The following CCDC138 variants were observed in gnomAD, a reference collection of about 807,000 sequenced individuals.
CCDC138 encodes coiled-coil domain containing 138.
In CCDC138, 66 loss-of-function variants were observed where a neutral mutation model predicts 82.3. That is an observed-to-expected ratio of 0.80 (90% confidence interval 0.66 to 0.98). The LOEUF (loss-of-function observed/expected upper bound fraction) is 0.98. Ranked by LOEUF, CCDC138 falls within the 50% of genes least tolerant of loss-of-function variation. The pLI is 0.00. For synonymous variants in CCDC138, 297 were observed against 265.4 expected (o/e 1.12, Z -1.16); for missense variants, 816 against 758.9 (o/e 1.08, Z -0.88).
At chr2:108,870,835 G>C (rs950871374) in intron 13 of CCDC138, among the ~76,000 whole-genome samples, 1 of 152,212 alleles carries the variant, frequency 6.6e-6, no homozygotes, top group South Asian at 2.1e-4. Flanking sequence ...GAAAATTAAA[G>C]TTATTGTTTA....
intron 12 of CCDC138, among the ~76,000 whole-genome samples, chr2:108,849,797 G>A (rs1211637577): frequency 2.0e-5 from 3 of 152,224 alleles, no homozygotes; most frequent in African/African-American, 2.4e-5. Context: ...AACCTGTGGG[G>A]TTCCAGTGTT....
intron 12 of CCDC138, among the ~76,000 whole-genome samples, chr2:108,855,061 C>T (rs1692356280): frequency 6.6e-6 from 1 of 151,942 alleles, no homozygotes; most frequent in African/African-American, 2.4e-5. Context: ...AATAATATAG[C>T]ATTTATAAAA....
chr2:108,849,325 G>C (rs1691026359), intron 12 of CCDC138, among the ~76,000 whole-genome samples: 1 of 152,134 alleles, frequency 6.6e-6, no homozygotes, highest in Non-Finnish European at 1.5e-5. Flanking sequence ...TTTGAAATAT[G>C]GTGAAAACTA....
chr2:108,868,411 T>G (rs1255701227), intron 13 of CCDC138, among the ~76,000 whole-genome samples: 1 of 152,214 alleles, frequency 6.6e-6, no homozygotes, highest in African/African-American at 2.4e-5. Context: ...ATGTAAAATA[T>G]TGTGACTCAA....
chr2:108,787,957 A>G, intron 1 of CCDC138, 75 bp from the exon 2 acceptor site: 1 of 1,224,868 alleles, frequency 8.2e-7, no homozygotes. Context: ...ATTAATACAT[A>G]ATTTGTGGGG....
intron 2 of CCDC138, 146 bp from the exon 3 acceptor site, chr2:108,788,706 C>A (rs1446586282): frequency 1.8e-6 from 2 of 1,105,474 alleles, no homozygotes; most frequent in African/African-American, 3.2e-5. Flanking sequence ...GGTGACAGAG[C>A]GAGACTCCGT....
intron 10 of CCDC138, 34 bp downstream of exon 10, chr2:108,816,139 A>G: frequency 6.7e-7 from 1 of 1,491,622 alleles, no homozygotes; most frequent in Non-Finnish European, 9.2e-7. Context: ...GTGATTCAGA[A>G]TATATGAAGA....
rs185602624 is a variant in CCDC138, at chr2:108,804,373, T to C, written c.736-516T>C. Among the ~76,000 whole-genome samples, 9 of 152,322 alleles carry C rather than the reference T, an allele frequency of 5.9e-5. No homozygotes were observed. The East Asian group carries it at 1.5e-3, about 26-fold the overall frequency. ...AATAGTTTGGGGCTAAGAAATTTTA[T>C]TATGTATCTAACATATTTTGAGATG... On this transcript the variant is annotated intron_variant, in intron 6 of 14. Coordinates refer to ENST00000295124, the MANE Select transcript of CCDC138 (RefSeq NM_144978.3).
chr2:108,808,614 T>G (rs1683250364), intron 7 of CCDC138, among the ~76,000 whole-genome samples: 1 of 152,236 alleles, frequency 6.6e-6, no homozygotes, highest in Admixed American at 6.5e-5. Flanking sequence ...TGATTAGTGA[T>G]ATTGAGCATT....
intron 6 of CCDC138, among the ~76,000 whole-genome samples, chr2:108,800,608 C>CTTTTTT (rs67529329): frequency 3.3e-4 from 11 of 33,492 alleles, no homozygotes; most frequent in East Asian, 1.2e-3. Flanking sequence ...CTCAGTTTAG[C>CTTTTTT]TTTTTTTTTT....
rs150414904 is a variant in CCDC138 at position 108,856,839 on chromosome 2, A to C, written c.1562A>C (p.Lys521Thr). 164 of 1,613,438 alleles carry C rather than the reference A, an allele frequency of 1.0e-4. No individual in the cohort carries two copies. The highest frequency in any genetic ancestry group is 6.6e-4 in the Middle Eastern group (4 of 6,080). ...QAFDSLCLDL[K>T]TEEGKTLFLE... ...TTTGATTCTCTTTGTTTGGACTTGA[A>C]GACAGAAGAAGGAAAAACCTTGTTT... Residue 521 changes from lysine to threonine, a missense_variant, in exon 13 of 15, where the codon AAG becomes ACG. Physicochemically the swap from Lys to Thr is moderately conservative, Grantham distance 78. Coordinates refer to ENST00000295124, the MANE Select transcript of CCDC138 (RefSeq NM_144978.3).
chr2:108,828,244 G>A (rs115723873), intron 10 of CCDC138, among the ~76,000 whole-genome samples: 1,921 of 152,110 alleles, frequency 0.013, 38 homozygotes, highest in African/African-American at 0.044. Context: ...TATCAAATAC[G>A]AGAACAAGGA....
At chr2:108,856,407 C>T (rs1321123886) in intron 12 of CCDC138, among the ~76,000 whole-genome samples, 1 of 152,016 alleles carries the variant, frequency 6.6e-6, no homozygotes, top group African/African-American at 2.4e-5. Context: ...GAAGCAGCAA[C>T]AAAACATAAT....
chr2:108,809,237 GT>G (rs1683359930), intron 7 of CCDC138, among the ~76,000 whole-genome samples: 1 of 152,150 alleles, frequency 6.6e-6, no homozygotes, highest in African/African-American at 2.4e-5. Context: ...TATATTTTGA[GT>G]TTAGGTAGTG....
chr2:108,853,913 AG>A (rs1327926751), intron 12 of CCDC138, among the ~76,000 whole-genome samples: 2 of 122,840 alleles, frequency 1.6e-5, no homozygotes, highest in African/African-American at 6.6e-5. Flanking sequence ...TATATTATAT[AG>A]TATATATATT....
At chr2:108,858,369 A>C (rs940163256) in intron 13 of CCDC138, among the ~76,000 whole-genome samples, 1 of 152,112 alleles carries the variant, frequency 6.6e-6, no homozygotes, top group African/African-American at 2.4e-5. Context: ...AACAAAAAAA[A>C]CACCAACGCT....
intron 10 of CCDC138, among the ~76,000 whole-genome samples, chr2:108,828,829 T>G (rs1687068747): frequency 6.6e-6 from 1 of 151,970 alleles, no homozygotes; most frequent in Non-Finnish European, 1.5e-5. Flanking sequence ...ATACCAAAAA[T>G]TAGCCAGTCA....
intron 10 of CCDC138, among the ~76,000 whole-genome samples, chr2:108,817,076 A>G (rs530744370): frequency 1.3e-5 from 2 of 152,304 alleles, no homozygotes; most frequent in South Asian, 4.1e-4. Flanking sequence ...GGAGGAAACA[A>G]ACGTTCAAAC....
intron 10 of CCDC138, among the ~76,000 whole-genome samples, chr2:108,827,472 G>T (rs533836656): frequency 1.9e-4 from 29 of 152,272 alleles, no homozygotes; most frequent in Admixed American, 1.6e-3. Flanking sequence ...TGGATAGGAA[G>T]ATTTATTATG....
Sources: allele counts gnomAD v4.1 joint callset (sites outside exome capture counted in the v4.1 genomes callset), GRCh38; gene constraint gnomAD v4.1.1; transcripts MANE v1.5; gene names NCBI Gene and HGNC (gene_info 2026-07-23, HGNC 2026-07-21).